The following ZFPM1 variants were observed in gnomAD, a reference collection of about 807,000 sequenced individuals.
ZFPM1 encodes zinc finger protein, FOG family member 1.
Under a neutral mutation model 46.3 loss-of-function variants are expected in ZFPM1, and 28 were observed. The ratio of observed to expected loss-of-function variants is 0.60; its 90% CI spans 0.45 to 0.83. The LOEUF is 0.83. Among genes scored for constraint, ZFPM1 ranks in the 40% least tolerant of loss-of-function variants. The pLI, the probability that ZFPM1 is intolerant of heterozygous loss-of-function variation, is 0.00. For synonymous variants in ZFPM1, 957 were observed against 675.9 expected (o/e 1.42, Z -6.45); for missense variants, 1,878 against 1,432.4 (o/e 1.31, Z -5.02).
intron 3 of ZFPM1, chr16:88,513,004 T>G (rs1911061862): frequency 6.6e-6 from 1 of 152,202 alleles, no homozygotes; most frequent in Non-Finnish European, 1.5e-5. Flanking sequence ...CAGGAATGGG[T>G]GTTCCCGGTC....
At chr16:88,519,575 A>G (rs189316207) in intron 4 of ZFPM1, among the ~76,000 whole-genome samples, 287 of 118,650 alleles carry the variant, frequency 2.4e-3, no homozygotes, top group African/African-American at 8.6e-3. Flanking sequence ...TGGATGGATG[A>G]ATGGGAGGGT....
intron 6 of ZFPM1, among the ~76,000 whole-genome samples, chr16:88,529,774 T>A (rs894540785): frequency 4.6e-5 from 7 of 152,156 alleles, no homozygotes; most frequent in South Asian, 4.1e-4. Context: ...GCCATGACCC[T>A]GACCGAGGCC....
At chr16:88,509,790 T>C (rs1192945044) in intron 3 of ZFPM1, among the ~76,000 whole-genome samples, 1 of 152,160 alleles carries the variant, frequency 6.6e-6, no homozygotes, top group Non-Finnish European at 1.5e-5. Context: ...CTGCCCTCCC[T>C]GCTATGTGAC....
chr16:88,526,620 C>T (rs1028287799), intron 4 of ZFPM1, among the ~76,000 whole-genome samples, 194 bp from the exon 5 acceptor site: 7 of 152,236 alleles, frequency 4.6e-5, no homozygotes, highest in Non-Finnish European at 7.3e-5. Flanking sequence ...CGGTGTTAGC[C>T]CCACCGGTCA....
intron 1 of ZFPM1, among the ~76,000 whole-genome samples, chr16:88,465,799 G>A (rs1037116281): frequency 7.2e-5 from 11 of 152,226 alleles, no homozygotes; most frequent in Admixed American, 3.9e-4. Context: ...GGATAAAGCC[G>A]CCTCCTTCAG....
Position 88,535,019 on chromosome 16 carries a change from TGCGA to T in ZFPM1, c.*41_*44del. On this transcript the variant is annotated 3_prime_UTR_variant, in exon 10 of 10. Transcript: ENST00000319555. ...GCCGCAGACGCTTTGCACGCCCCGC[TGCGA>T]TGCGGGGAGGGGGCCGCCCCCAGGC... The T allele has an allele frequency of 1.5e-6, 2 of 1,354,362 alleles. No individual in the cohort carries two copies. The highest frequency in any genetic ancestry group is 1.9e-6 in the Non-Finnish European group (2 of 1,044,756). The allele number at this position is 1,354,362 out of a possible 1,614,324, so 83.9% of individuals were successfully genotyped here.
chr16:88,472,211 C>T (rs1908457097), intron 1 of ZFPM1, among the ~76,000 whole-genome samples: 1 of 151,460 alleles, frequency 6.6e-6, no homozygotes, highest in African/African-American at 2.5e-5. Flanking sequence ...GTGGGCAGGG[C>T]AGGTGCCCAC....
Position 88,523,968 on chromosome 16 carries a change from G to A in ZFPM1, c.403-2846G>A, listed in dbSNP as rs576964382. ...CACTCGGGACCGCCACAGAAAAATC[G>A]GGGGTGCGTGCAGCGTCAGCACAGT... On this transcript the variant is annotated intron_variant, in intron 4 of 9. Coordinates refer to ENST00000319555, the MANE Select transcript of ZFPM1 (RefSeq NM_153813.3). 2.4e-4 allele frequency among the ~76,000 whole-genome samples: 37 copies of A among 152,344 alleles called. 1 individual carries two copies. The highest frequency in any genetic ancestry group is 1.9e-3 in the East Asian group (10 of 5,174).
In ZFPM1 at chr16:88,475,392, T is replaced by C. The variant is rs548712691; in HGVS notation, c.41-10547T>C. On this transcript the variant is annotated intron_variant, in intron 1 of 9. Transcript: ENST00000319555. Reference sequence around the variant, plus strand: ...GCCTCGCTGAGCTGTGATCCTCCTATGACGTGGAGCCAGGAGGAGAAACTG... The same window carrying C: ...GCCTCGCTGAGCTGTGATCCTCCTACGACGTGGAGCCAGGAGGAGAAACTG... 1.8e-4 allele frequency among the ~76,000 whole-genome samples: 28 copies of C among 152,036 alleles called. No individual in the cohort carries two copies. The East Asian group carries it at 5.2e-3, about 28-fold the overall frequency.
intron 6 of ZFPM1, among the ~76,000 whole-genome samples, chr16:88,530,055 C>T (rs1912664332): frequency 6.6e-6 from 1 of 152,098 alleles, no homozygotes; most frequent in Non-Finnish European, 1.5e-5. Context: ...CAAAGGGGGT[C>T]CCCATCTGCC....
chr16:88,495,652 C>T (rs1278283856), intron 3 of ZFPM1, among the ~76,000 whole-genome samples: 2 of 152,062 alleles, frequency 1.3e-5, no homozygotes, highest in Non-Finnish European at 2.9e-5. Context: ...CCATGCTAGG[C>T]GGGGAGTGAG....
Position 88,533,871 on chromosome 16 carries a change from C to A in ZFPM1, c.1913C>A (p.Ser638Tyr). 1 of 991,490 alleles carries A rather than the reference C, an allele frequency of 1.0e-6. No individual in the cohort carries two copies. Among genetic ancestry groups the A allele is most frequent in the Non-Finnish European group, 1.2e-6 (1 of 835,786 alleles). 61.4% of individuals were successfully genotyped at this position (991,490 alleles called of 1,614,324 possible). The change falls in exon 10 of 10, where the codon TCC (serine) becomes TAC (tyrosine). Residue 638 changes from serine (S) to tyrosine (Y), a missense_variant. Transcript: ENST00000319555. ...GCCGAACCCGACGCGCCGCGCTCGT[C>A]CCCGGGCCCCGGAGCGCGCGAGGAG... ...QPAEPDAPRS[S>Y]PGPGAREEGA...
At chr16:88,459,276 G>T (rs1907696141) in intron 1 of ZFPM1, among the ~76,000 whole-genome samples, 1 of 152,166 alleles carries the variant, frequency 6.6e-6, no homozygotes, top group Non-Finnish European at 1.5e-5. Flanking sequence ...CACAGAGTGG[G>T]CCTCCCGGAA....
chr16:88,454,704 C>T (rs1380230389), intron 1 of ZFPM1, among the ~76,000 whole-genome samples: 4 of 152,254 alleles, frequency 2.6e-5, no homozygotes, highest in Non-Finnish European at 5.9e-5. Context: ...CCCTCCCCAC[C>T]CTATGCCAAT....
chr16:88,524,710 CTG>C (rs1912174996), intron 4 of ZFPM1, among the ~76,000 whole-genome samples: 1 of 152,218 alleles, frequency 6.6e-6, no homozygotes, highest in African/African-American at 2.4e-5. Context: ...CGGGAGGAAA[CTG>C]AGTCAAAGGA....
chr16:88,516,768 C>T, intron 4 of ZFPM1: 1 of 393,628 alleles, frequency 2.5e-6, no homozygotes, highest in Non-Finnish European at 4.5e-6. Flanking sequence ...CGGATCGCCC[C>T]AGCTGCTGCC....
chr16:88,485,898 C>G (rs1212392494), intron 1 of ZFPM1, 41 bp from the exon 2 acceptor site: 3 of 1,589,826 alleles, frequency 1.9e-6, no homozygotes, highest in Non-Finnish European at 2.6e-6. Context: ...GAGCTGTCCC[C>G]CCAGAGCTCC....
chr16:88,482,461 C>G (rs570080824), intron 1 of ZFPM1, among the ~76,000 whole-genome samples: 1 of 152,130 alleles, frequency 6.6e-6, no homozygotes, highest in South Asian at 2.1e-4. Context: ...CAGCCTCTTT[C>G]TCCACGCTCA....
Position 88,533,865 on chromosome 16 carries a change from G to T in ZFPM1, c.1907G>T (p.Arg636Leu). 8.1e-6 allele frequency: 8 copies of T among 985,118 alleles called. No homozygotes were observed. Among genetic ancestry groups the T allele is most frequent in the Non-Finnish European group, 9.6e-6 (8 of 832,284 alleles). 61.0% of individuals were successfully genotyped at this position (985,118 alleles called of 1,614,324 possible). A position where few individuals can be genotyped will look rare whatever the true frequency, so the allele number is the denominator to read the frequency against. ...PGQPAEPDAP[R>L]SSPGPGAREE... The stretch of plus-strand genomic sequence containing the variant: ...CAGCCCGCCGAACCCGACGCGCCGC[G>T]CTCGTCCCCGGGCCCCGGAGCGCGC... Residue 636 changes from arginine (R) to leucine (L), a missense_variant, in exon 10 of 10, where the codon CGC becomes CTC. Arg to Leu is a moderately radical substitution (Grantham distance 102). Transcript: ENST00000319555.
Sources: allele counts gnomAD v4.1 joint callset (sites outside exome capture counted in the v4.1 genomes callset), GRCh38; gene constraint gnomAD v4.1.1; transcripts MANE v1.5; gene names NCBI Gene and HGNC (gene_info 2026-07-23, HGNC 2026-07-21).